The following MCM3AP variants were observed in gnomAD, a reference collection of about 807,000 sequenced individuals.
MCM3AP encodes the protein minichromosome maintenance complex component 3 associated protein.
A neutral mutation model predicts 184.1 loss-of-function variants in MCM3AP; 126 were observed. The ratio of observed to expected loss-of-function variants is 0.68; its 90% CI spans 0.59 to 0.79. The LOEUF is 0.79. MCM3AP is among the 30% of genes least tolerant of loss of function. MCM3AP has a pLI of 0.00. For missense variants in MCM3AP, 2,496 were observed against 2,479.2 expected, an observed-to-expected ratio of 1.01 and a Z score of -0.14; for synonymous variants, 1,002 against 979.3, an observed-to-expected ratio of 1.02 and a Z score of -0.43.
chr21:46,272,725 C>T lies in MCM3AP; in HGVS notation c.2301G>A (p.Met767Ile). 1.2e-6 allele frequency: 2 copies of T among 1,614,166 alleles called. No individual in the cohort carries two copies. The highest frequency in any genetic ancestry group is 2.2e-5 in the South Asian group (2 of 91,070). Residue 767 changes from methionine to isoleucine, a missense_variant, in exon 8 of 28, where the codon ATG becomes ATA. This residue lies in a region of MCM3AP where 105 missense variants were observed against 97.1 expected (regional missense o/e 1.08). Coordinates refer to ENST00000291688, the MANE Select transcript of MCM3AP (RefSeq NM_003906.5). ...TATTGATCTTGGCATCAAAGGAGGA[C>T]ATGGGCTCCTCACACATGAAGTGGG... ...HCAHFMCEEP[M>I]SSFDAKINNE... is the part of the protein sequence containing the mutation.
chr21:46,236,690 T>C, intron 27 of MCM3AP, 139 bp downstream of exon 27: 1 of 614,700 alleles, frequency 1.6e-6, no homozygotes. Context: ...GGATAAAGTT[T>C]AAGAAAAGGT....
chr21:46,270,212 G>T, intron 9 of MCM3AP, 189 bp downstream of exon 9: 1 of 490,366 alleles, frequency 2.0e-6, no homozygotes, highest in East Asian at 3.2e-5. Flanking sequence ...CAGCCTTTCC[G>T]GATGGTGACC....
Position 46,260,816 on chromosome 21 carries a change from C to A in MCM3AP, c.3558G>T (p.Arg1186Ser), listed in dbSNP as rs8132612. The A allele has an allele frequency of 6.2e-7, 1 of 1,613,982 alleles. No individual in the cohort carries two copies. The highest frequency in any genetic ancestry group is 8.5e-7 in the Non-Finnish European group (1 of 1,179,878). Residue 1186 changes from arginine to serine, a missense_variant, in exon 15 of 28, where the codon AGG becomes AGT. Coordinates refer to ENST00000291688, the MANE Select transcript of MCM3AP (RefSeq NM_003906.5). ...ACTTCAACTCCTGGGAGCAGGTTTC[C>A]CTCACAAACTCCATCATCACGCGTT... The part of the protein sequence containing the change: ...LMERVMMEFV[R>S]ETCSQELKNA...
intron 7 of MCM3AP, among the ~76,000 whole-genome samples, 182 bp from the exon 8 acceptor site, chr21:46,273,011 G>A (rs959264866): frequency 6.6e-6 from 1 of 150,702 alleles, no homozygotes; most frequent in Non-Finnish European, 1.5e-5. Flanking sequence ...TTTTTTTTGA[G>A]ACAGAAGCCA....
intron 15 of MCM3AP, 59 bp downstream of exon 15, chr21:46,260,728 ACACAGC>A: frequency 1.7e-6 from 2 of 1,171,670 alleles, no homozygotes; most frequent in Admixed American, 1.7e-5. Context: ...GTGGTGCAAG[ACACAGC>A]CTAGGGCAGA....
intron 2 of MCM3AP, among the ~76,000 whole-genome samples, chr21:46,283,382 TC>T (rs545312699): frequency 7.0e-4 from 106 of 152,330 alleles, no homozygotes; most frequent in Non-Finnish European, 1.4e-3. Flanking sequence ...CAGAAGAATT[TC>T]ACTTCATGAG....
chr21:46,278,164 GAA>G (rs10581831), intron 4 of MCM3AP, among the ~76,000 whole-genome samples: 42,087 of 139,034 alleles, frequency 0.3, 6,785 homozygotes, highest in Admixed American at 0.42. Flanking sequence ...ACCACCCCCC[GAA>G]AAAAAAAAAA....
chr21:46,246,573 C>T, intron 21 of MCM3AP, 55 bp downstream of exon 21: 1 of 1,595,240 alleles, frequency 6.3e-7, no homozygotes, highest in Non-Finnish European at 8.6e-7. Flanking sequence ...AGACCCAGGG[C>T]CTCCACCCAT....
At chr21:46,242,979 C>T in intron 24 of MCM3AP, 48 bp from the exon 25 acceptor site, 5 of 1,442,714 alleles carry the variant, frequency 3.5e-6, no homozygotes, top group Non-Finnish European at 4.6e-6. Context: ...CTGGCCAACC[C>T]TGTCTCAAAA....
In MCM3AP at chr21:46,241,016, A is replaced by C. The variant is rs747517295; in HGVS notation, c.5428T>G (p.Leu1810Val). Residue 1810 changes from leucine to valine, a missense_variant and splice_region_variant, in exon 26 of 28, where the codon TTG becomes GTG. Coordinates refer to ENST00000291688, the MANE Select transcript of MCM3AP (RefSeq NM_003906.5). The part of the protein sequence containing the change: ...QKELQLREGR[L>V]AIKPFHPSAN... Reference sequence around the variant, plus strand: ...GAAGGATGAAAAGGCTTTATTGCCAAACTGTAAGTACATGATTTGAAATGT... The same window carrying C: ...GAAGGATGAAAAGGCTTTATTGCCACACTGTAAGTACATGATTTGAAATGT... The C allele has an allele frequency of 6.2e-7, 1 of 1,606,464 alleles. No individual in the cohort carries two copies. Among genetic ancestry groups the C allele is most frequent in the Non-Finnish European group, 8.5e-7 (1 of 1,174,286 alleles).
At chr21:46,279,446 G>A (rs1486339140) in intron 4 of MCM3AP, among the ~76,000 whole-genome samples, 1 of 152,234 alleles carries the variant, frequency 6.6e-6, no homozygotes, top group Non-Finnish European at 1.5e-5. Flanking sequence ...ATCCTGTGAG[G>A]CAGGCAGCGA....
At chr21:46,263,958 G>A (rs540099635) in intron 13 of MCM3AP, among the ~76,000 whole-genome samples, 159 bp downstream of exon 13, 29 of 152,254 alleles carry the variant, frequency 1.9e-4, no homozygotes, top group African/African-American at 6.3e-4. Context: ...TCTTGAAAAA[G>A]AAGAATGTAG....
rs2081390174 is a variant in MCM3AP, at chr21:46,285,008, A to G, written c.279T>C (p.Phe93=). Residue 93 remains phenylalanine (F), a synonymous_variant, in exon 1 of 28, where the codon TTT becomes TTC. Coordinates refer to ENST00000291688, the MANE Select transcript of MCM3AP (RefSeq NM_003906.5). ...AACTTGAAGGCCCAGAGGTAGCCAC[A>G]AAGGTGGAAGTGTGCTCAAGTCCAG... ...PFSGLEHTST[F]VATSGPSSSS... The G allele has an allele frequency of 3.1e-6, 5 of 1,614,200 alleles. No individual in the cohort carries two copies. Among genetic ancestry groups the G allele is most frequent in the Non-Finnish European group, 4.2e-6 (5 of 1,180,040 alleles).
At chr21:46,246,070 C>T (rs534672224) in intron 22 of MCM3AP, among the ~76,000 whole-genome samples, 13 of 152,268 alleles carry the variant, frequency 8.5e-5, no homozygotes, top group South Asian at 6.2e-4. Flanking sequence ...TGCTGCCAGG[C>T]GCAGTGGCAC....
chr21:46,237,018 T>G (rs2080543752), intron 26 of MCM3AP, 39 bp from the exon 27 acceptor site: 1 of 1,323,670 alleles, frequency 7.6e-7, no homozygotes, highest in African/African-American at 1.5e-5. Flanking sequence ...TATTTGAGCA[T>G]TAGGAAGTTA....
At chr21:46,272,112 T>C (rs762370831) in intron 8 of MCM3AP, among the ~76,000 whole-genome samples, 3 of 152,030 alleles carry the variant, frequency 2.0e-5, no homozygotes, top group Non-Finnish European at 4.4e-5. Context: ...GGGTTTTACA[T>C]TCATTCATTC....
At chr21:46,235,653 A>T (rs1419009953) in intron 27 of MCM3AP, among the ~76,000 whole-genome samples, 2 of 152,182 alleles carry the variant, frequency 1.3e-5, no homozygotes, top group African/African-American at 4.8e-5. Context: ...TATCATGAAC[A>T]ATTTCCAGTG....
intron 9 of MCM3AP, among the ~76,000 whole-genome samples, chr21:46,268,895 G>A (rs180677527): frequency 4.3e-4 from 66 of 152,214 alleles, no homozygotes; most frequent in African/African-American, 1.2e-3. Flanking sequence ...TTAGCTGGGC[G>A]TGGTGGCGGG....
chr21:46,277,380 CA>C (rs2081269292), intron 5 of MCM3AP, 146 bp downstream of exon 5: 4 of 534,014 alleles, frequency 7.5e-6, no homozygotes, highest in Non-Finnish European at 1.3e-5. Flanking sequence ...AGAAGACAGG[CA>C]GACTATGAAG....
Sources: gnomAD v4.1 joint callset for allele counts (sites outside exome capture counted in the v4.1 genomes callset) on GRCh38, gnomAD v4.1.1 for gene constraint, gnomAD v4.1.1 regional missense constraint, MANE v1.5 for transcripts, NCBI Gene and HGNC (gene_info 2026-07-23, HGNC 2026-07-21) for gene names.